PCSK5: variants seen among roughly 807,000 people sequenced by gnomAD.
PCSK5 encodes the protein proprotein convertase subtilisin/kexin type 5.
A neutral mutation model predicts 233.2 loss-of-function variants in PCSK5; 129 were observed. The ratio of observed to expected loss-of-function variants is 0.55; its 90% confidence interval spans 0.48 to 0.64. The LOEUF is 0.64. Among genes scored for constraint, PCSK5 ranks in the 30% least tolerant of loss-of-function variants. PCSK5 has a pLI of 0.00. For synonymous variants in PCSK5, 825 were observed against 879.2 expected, an observed-to-expected ratio of 0.94 and a Z score of 1.09; for missense variants, 2,076 against 2,430.1, an observed-to-expected ratio of 0.85 and a Z score of 3.06.
intron 4 of PCSK5, 146 bp from the exon 5 acceptor site, chr9:76,026,815 G>T: frequency 1.8e-6 from 1 of 543,404 alleles, no homozygotes; most frequent in Non-Finnish European, 3.3e-6. Context: ...AAGGCATCCT[G>T]ACACCACTGA....
chr9:76,006,520 A>C (rs539567310), intron 3 of PCSK5, among the ~76,000 whole-genome samples: 1 of 152,214 alleles, frequency 6.6e-6, no homozygotes, highest in Admixed American at 6.5e-5. Flanking sequence ...AGATCCGTTG[A>C]GTCTACCTAT....
rs372920786 is a variant in PCSK5, at chr9:76,127,746, A to G, written c.1209-6363A>G. Among the ~76,000 whole-genome samples the G allele has an allele frequency of 3.3e-5, 5 of 152,306 alleles. No homozygotes were observed. The South Asian group carries it at 8.3e-4, about 25-fold the overall frequency. On this transcript the variant is annotated intron_variant, in intron 9 of 37. Transcript: ENST00000674117. Reference sequence around the variant, plus strand: ...ATGGTACAGTAGGTTCCTAATCTCAATAAATCATCATGACGCTTGTCTTTG... The same window carrying G: ...ATGGTACAGTAGGTTCCTAATCTCAGTAAATCATCATGACGCTTGTCTTTG...
chr9:76,189,544 A>G (rs939933423), intron 19 of PCSK5, 87 bp from the exon 20 acceptor site: 8 of 808,182 alleles, frequency 9.9e-6, no homozygotes, highest in East Asian at 5.0e-5. Flanking sequence ...GGGATAATTA[A>G]ATGTAAGACA....
chr9:75,982,487 T>C (rs1826322476), intron 2 of PCSK5, among the ~76,000 whole-genome samples: 1 of 152,194 alleles, frequency 6.6e-6, no homozygotes, highest in Non-Finnish European at 1.5e-5. Flanking sequence ...TTAGACTGTT[T>C]GTATCTGAAA....
intron 24 of PCSK5, among the ~76,000 whole-genome samples, chr9:76,261,939 T>C (rs1827186695): frequency 6.6e-6 from 1 of 152,224 alleles, no homozygotes; most frequent in Non-Finnish European, 1.5e-5. Flanking sequence ...TATACAATCA[T>C]GTCATCTGCA....
intron 10 of PCSK5, among the ~76,000 whole-genome samples, chr9:76,135,470 A>G (rs545500650): frequency 1.6e-4 from 25 of 152,242 alleles, no homozygotes; most frequent in African/African-American, 5.5e-4. Context: ...CTTTCCATGC[A>G]TGTAAACTAT....
At chr9:75,945,405 C>G (rs1226926291) in intron 2 of PCSK5, among the ~76,000 whole-genome samples, 1 of 152,022 alleles carries the variant, frequency 6.6e-6, no homozygotes, top group Non-Finnish European at 1.5e-5. Context: ...GGCCCCACCA[C>G]TAACATTTAT....
At chr9:75,891,960 G>A (rs1309885544) in intron 1 of PCSK5, among the ~76,000 whole-genome samples, 4 of 152,152 alleles carry the variant, frequency 2.6e-5, no homozygotes, top group Admixed American at 6.5e-5. Context: ...GCCGGCCCCG[G>A]TGTGAGTGCA....
intron 1 of PCSK5, among the ~76,000 whole-genome samples, chr9:75,921,514 A>T (rs80132655): frequency 1.3e-5 from 2 of 151,662 alleles, no homozygotes; most frequent in Admixed American, 6.6e-5. Context: ...TGAAGACCCC[A>T]TTTTCAGACA....
At chr9:76,093,779 G>A (rs910527872) in intron 7 of PCSK5, among the ~76,000 whole-genome samples, 2 of 152,026 alleles carry the variant, frequency 1.3e-5, no homozygotes, top group African/African-American at 4.8e-5. Context: ...TGATAGAGAG[G>A]GAACATATTG....
At chr9:76,264,419 C>T (rs955478208) in intron 24 of PCSK5, among the ~76,000 whole-genome samples, 9 of 152,034 alleles carry the variant, frequency 5.9e-5, no homozygotes, top group Non-Finnish European at 1.3e-4. Context: ...ATGACTAAGT[C>T]ATCAAAAGCA....
chr9:76,073,921 A>G (rs1319957980), intron 7 of PCSK5, among the ~76,000 whole-genome samples: 1 of 152,196 alleles, frequency 6.6e-6, no homozygotes, highest in Non-Finnish European at 1.5e-5. Context: ...AAGAAGAGTA[A>G]AAAGGGGTTA....
At chr9:76,080,410 G>C (rs3949422) in intron 7 of PCSK5, among the ~76,000 whole-genome samples, 36,481 of 151,910 alleles carry the variant, frequency 0.24, 4,904 homozygotes, top group South Asian at 0.31. Flanking sequence ...TTGTCTCTTC[G>C]ATGCTTGTAC....
chr9:76,126,280 A>G (rs1252303618), intron 9 of PCSK5, among the ~76,000 whole-genome samples: 3 of 152,130 alleles, frequency 2.0e-5, no homozygotes, highest in Admixed American at 6.6e-5. Flanking sequence ...GATACACTAA[A>G]CCAGGAGTTT....
chr9:76,084,769 T>TA (rs767333278), intron 7 of PCSK5, among the ~76,000 whole-genome samples: 16 of 152,046 alleles, frequency 1.1e-4, no homozygotes, highest in Non-Finnish European at 2.1e-4. Context: ...TTCAATATAA[T>TA]ACAGCAGTAG....
chr9:75,941,948 A>G (rs1235285610), intron 2 of PCSK5, among the ~76,000 whole-genome samples: 1 of 152,230 alleles, frequency 6.6e-6, no homozygotes, highest in African/African-American at 2.4e-5. Flanking sequence ...GCAGAAGTAA[A>G]TTATTTAAAA....
intron 4 of PCSK5, among the ~76,000 whole-genome samples, chr9:76,024,940 A>G (rs1828356613): frequency 6.6e-6 from 1 of 152,052 alleles, no homozygotes. Context: ...GCATAGGAAA[A>G]CTTTATCATT....
chr9:75,915,099 A>C (rs987033645), intron 1 of PCSK5, among the ~76,000 whole-genome samples: 3 of 152,108 alleles, frequency 2.0e-5, no homozygotes, highest in African/African-American at 7.2e-5. Context: ...TTCCTAGGGG[A>C]AGTTAGAAGG....
intron 25 of PCSK5, 57 bp from the exon 26 acceptor site, chr9:76,295,218 G>A (rs535208642): frequency 6.8e-7 from 1 of 1,474,336 alleles, no homozygotes; most frequent in Non-Finnish European, 9.3e-7. Flanking sequence ...ATTAAATTAT[G>A]GTGAAGAGAA....
Sources: allele counts gnomAD v4.1 joint callset (sites outside exome capture counted in the v4.1 genomes callset), GRCh38; gene constraint gnomAD v4.1.1; transcripts MANE v1.5; gene names NCBI Gene and HGNC (gene_info 2026-07-23, HGNC 2026-07-21).